Variants in GRM7 observed in about 807,000 individuals in gnomAD.
GRM7 encodes the protein glutamate metabotropic receptor 7, also known as metabotropic glutamate receptor 7.
Under a neutral mutation model 84.5 loss-of-function variants are expected in GRM7, and 35 were observed. The ratio of observed to expected loss-of-function variants is 0.41; its 90% CI spans 0.32 to 0.55. The LOEUF (loss-of-function observed/expected upper bound fraction) is 0.55. Ranked by LOEUF, GRM7 falls within the 20% of genes least tolerant of loss-of-function variation. The pLI, the probability that GRM7 is intolerant of heterozygous loss-of-function variation, is 0.19. For synonymous variants in GRM7, 487 were observed against 455.1 expected (o/e 1.07, Z -0.89); for missense variants, 1,003 against 1,194.6 (o/e 0.84, Z 2.36).
intron 4 of GRM7, among the ~76,000 whole-genome samples, chr3:7,313,990 T>C: frequency 6.6e-6 from 1 of 152,138 alleles, no homozygotes; most frequent in Middle Eastern, 3.2e-3. Flanking sequence ...TGTATAAATA[T>C]TGATATCCTG....
intron 2 of GRM7, among the ~76,000 whole-genome samples, chr3:7,228,719 A>C (rs117628695): frequency 6.6e-6 from 1 of 152,296 alleles, no homozygotes; most frequent in East Asian, 1.9e-4. Flanking sequence ...TTTGGAATCA[A>C]GTGTTGTGGG....
At chr3:7,445,521 C>A (rs1697468987) in intron 5 of GRM7, among the ~76,000 whole-genome samples, 1 of 152,156 alleles carries the variant, frequency 6.6e-6, no homozygotes, top group Non-Finnish European at 1.5e-5. Context: ...TGAACCCCAG[C>A]ATTCTTTTCA....
chr3:7,158,402 G>C (rs927049150), intron 2 of GRM7, among the ~76,000 whole-genome samples: 1 of 151,960 alleles, frequency 6.6e-6, no homozygotes, highest in African/African-American at 2.4e-5. Flanking sequence ...TTACTCAAGC[G>C]GTGTCCTCTG....
At chr3:7,167,260 C>T (rs370536041) in intron 2 of GRM7, among the ~76,000 whole-genome samples, 5 of 152,168 alleles carry the variant, frequency 3.3e-5, no homozygotes, top group African/African-American at 9.7e-5. Flanking sequence ...ATGCTGTCAG[C>T]ATTCAATTTG....
At chr3:7,378,876 C>G (rs1694468745) in intron 4 of GRM7, among the ~76,000 whole-genome samples, 1 of 152,070 alleles carries the variant, frequency 6.6e-6, no homozygotes, top group South Asian at 2.1e-4. Flanking sequence ...CTTTTTCTCC[C>G]TCACATGTTT....
At chr3:7,091,450 A>G (rs1698660999) in intron 1 of GRM7, among the ~76,000 whole-genome samples, 1 of 152,114 alleles carries the variant, frequency 6.6e-6, no homozygotes, top group Admixed American at 6.5e-5. Flanking sequence ...GCTGCAAAGC[A>G]CATTATGAAG....
intron 4 of GRM7, among the ~76,000 whole-genome samples, chr3:7,330,557 A>G (rs1488266974): frequency 1.3e-5 from 2 of 152,084 alleles, no homozygotes; most frequent in African/African-American, 4.8e-5. Context: ...TGAATCATGG[A>G]GTTGGATCCC....
intron 4 of GRM7, among the ~76,000 whole-genome samples, chr3:7,408,120 G>A (rs562041829): frequency 7.6e-4 from 116 of 152,280 alleles, no homozygotes; most frequent in Non-Finnish European, 1.4e-3. Context: ...TCGAAGCTAG[G>A]AATTGAACCC....
At chr3:7,084,182 A>G (rs921177810) in intron 1 of GRM7, among the ~76,000 whole-genome samples, 4 of 152,144 alleles carry the variant, frequency 2.6e-5, no homozygotes, top group African/African-American at 9.7e-5. Flanking sequence ...GCGAGGGCTG[A>G]AAAGGAGAAG....
intron 7 of GRM7, among the ~76,000 whole-genome samples, chr3:7,533,737 G>A (rs1304855007): frequency 6.6e-6 from 1 of 152,170 alleles, no homozygotes; most frequent in Non-Finnish European, 1.5e-5. Context: ...ACTCAATGAA[G>A]TGAAAATGAA....
chr3:7,063,296 T>G (rs1455540929), intron 1 of GRM7, among the ~76,000 whole-genome samples: 1 of 151,708 alleles, frequency 6.6e-6, no homozygotes, highest in Admixed American at 6.6e-5. Flanking sequence ...ATTATCTTAA[T>G]TTTATCAGAT....
chr3:7,452,852 C>G, intron 6 of GRM7, 45 bp downstream of exon 6: 3 of 1,161,220 alleles, frequency 2.6e-6, no homozygotes, highest in Non-Finnish European at 3.8e-6. Context: ...TAAGTGTTGG[C>G]ATTCTGTTTC....
At chr3:7,237,621 C>A (rs938891871) in intron 2 of GRM7, among the ~76,000 whole-genome samples, 3 of 152,112 alleles carry the variant, frequency 2.0e-5, no homozygotes, top group African/African-American at 4.8e-5. Flanking sequence ...AGTGAAGCCG[C>A]AGACCTTTGC....
intron 1 of GRM7, among the ~76,000 whole-genome samples, chr3:6,879,381 T>C (rs1234084542): frequency 6.6e-6 from 1 of 152,218 alleles, no homozygotes; most frequent in African/African-American, 2.4e-5. Flanking sequence ...GAATCACACT[T>C]ACTTGACGTT....
chr3:6,887,339 C>T (rs1349213556), intron 1 of GRM7, among the ~76,000 whole-genome samples: 1 of 152,036 alleles, frequency 6.6e-6, no homozygotes, highest in Non-Finnish European at 1.5e-5. Flanking sequence ...ATTAACTTGT[C>T]ATTTAGCATT....
At chr3:7,603,411 C>G (rs1422479145) in intron 8 of GRM7, among the ~76,000 whole-genome samples, 2 of 152,012 alleles carry the variant, frequency 1.3e-5, no homozygotes, top group Admixed American at 1.3e-4. Context: ...CCCCAGATTT[C>G]TACTGTTTTA....
At chr3:7,274,172 C>A (rs1698967938) in intron 2 of GRM7, among the ~76,000 whole-genome samples, 1 of 151,968 alleles carries the variant, frequency 6.6e-6, no homozygotes, top group African/African-American at 2.4e-5. Flanking sequence ...CAAAATAATT[C>A]TAATTCCTTC....
chr3:7,042,203 C>T (rs1245586988), intron 1 of GRM7, among the ~76,000 whole-genome samples: 1 of 151,884 alleles, frequency 6.6e-6, no homozygotes, highest in East Asian at 1.9e-4. Flanking sequence ...TGTGGGAGCT[C>T]TGGTTTATAG....
intron 4 of GRM7, among the ~76,000 whole-genome samples, chr3:7,335,690 C>G (rs7637091): frequency 0.28 from 41,964 of 151,610 alleles, 6,534 homozygotes; most frequent in African/African-American, 0.43. Context: ...GAGAGAAGAT[C>G]CAAATAAGCT....
Sources: allele counts gnomAD v4.1 joint callset (sites outside exome capture counted in the v4.1 genomes callset), GRCh38; gene constraint gnomAD v4.1.1; transcripts MANE v1.5; gene names NCBI Gene and HGNC (gene_info 2026-07-23, HGNC 2026-07-21).